The following PRKCZ variants were observed in gnomAD, a reference collection of about 807,000 sequenced individuals.
PRKCZ encodes the protein protein kinase C zeta, also known as protein kinase C zeta type.
Under a neutral mutation model 79.5 loss-of-function variants are expected in PRKCZ, and 33 were observed. That is an observed-to-expected ratio of 0.41 (90% confidence interval 0.31 to 0.55). The LOEUF (loss-of-function observed/expected upper bound fraction) is 0.55. Among genes scored for constraint, PRKCZ ranks in the 20% least tolerant of loss-of-function variants. The probability of loss-of-function intolerance (pLI) is 0.19; values close to 1 mark genes in which losing one functional copy is unlikely to be tolerated. For missense variants in PRKCZ, 578 were observed against 813.5 expected (o/e 0.71, Z 3.52); for synonymous variants, 342 against 320.9 (o/e 1.07, Z -0.70).
intron 4 of PRKCZ, among the ~76,000 whole-genome samples, chr1:2,122,655 G>A (rs1672590776): frequency 8.4e-5 from 1 of 11,922 alleles, no homozygotes; most frequent in Non-Finnish European, 1.3e-4. Flanking sequence ...GGGTTGTGGT[G>A]GTTAGGGTCG....
chr1:2,135,671 G>T (rs376783406), intron 5 of PRKCZ, among the ~76,000 whole-genome samples: 5 of 152,196 alleles, frequency 3.3e-5, no homozygotes, highest in Non-Finnish European at 7.3e-5. Context: ...TGGGGCGGCC[G>T]CATTCCATCC....
Position 2,050,535 on chromosome 1 carries a change from T to C in PRKCZ, c.-96T>C, listed in dbSNP as rs1372481482. 6 of 779,314 alleles carry C rather than the reference T, an allele frequency of 7.7e-6. No individual in the cohort carries two copies. The highest frequency in any genetic ancestry group is 9.2e-5 in the Admixed American group (2 of 21,628). 48.3% of individuals were successfully genotyped at this position (779,314 alleles called of 1,614,324 possible). On this transcript the variant is annotated 5_prime_UTR_variant, in exon 1 of 18. Transcript: ENST00000378567. ...GGCGCCGTCGGTCCTGAGCGCTGCC[T>C]TCCGCGTTCCGCCGCGGCCCCACCT... is the stretch of plus-strand genomic sequence containing the variant.
intron 4 of PRKCZ, among the ~76,000 whole-genome samples, chr1:2,091,005 A>G (rs540367533): frequency 6.6e-6 from 1 of 152,202 alleles, no homozygotes; most frequent in Non-Finnish European, 1.5e-5. Flanking sequence ...TTTAATAAAG[A>G]GGTCAGAGAG....
At chr1:2,138,613 C>T (rs1477912096) in intron 5 of PRKCZ, among the ~76,000 whole-genome samples, 1 of 151,824 alleles carries the variant, frequency 6.6e-6, no homozygotes. Flanking sequence ...GCTCCCATCA[C>T]AGTAAACGGC....
At chr1:2,076,757 AG>A (rs1182617701) in intron 4 of PRKCZ, among the ~76,000 whole-genome samples, 1 of 148,786 alleles carries the variant, frequency 6.7e-6, no homozygotes, top group African/African-American at 2.5e-5. Context: ...AAAAAAAAAA[AG>A]GAAAAGCTTT....
intron 4 of PRKCZ, among the ~76,000 whole-genome samples, chr1:2,099,580 G>T (rs1280900624): frequency 1.3e-5 from 2 of 152,232 alleles, no homozygotes; most frequent in African/African-American, 4.8e-5. Flanking sequence ...TACCCGGAGG[G>T]AGGGGGCAGC....
At chr1:2,154,099 G>T (rs1680450999) in intron 9 of PRKCZ, among the ~76,000 whole-genome samples, 1 of 152,186 alleles carries the variant, frequency 6.6e-6, no homozygotes, top group Non-Finnish European at 1.5e-5. Flanking sequence ...GGGCCACAGT[G>T]GGTGGGTGCT....
intron 4 of PRKCZ, among the ~76,000 whole-genome samples, chr1:2,066,042 G>A (rs990165337): frequency 3.3e-5 from 5 of 151,942 alleles, no homozygotes; most frequent in East Asian, 1.9e-4. Flanking sequence ...ATATGCTGCC[G>A]AATTCATTTT....
At position 2,127,640 on chromosome 1, in the gene PRKCZ, G is replaced by A. The variant is rs1041003891; in HGVS notation, c.335-7622G>A. Reference sequence around the variant, plus strand: ...AAATGCAGTGGGAGCTCTGGTGCAGGTGTAGCCGAGGCTCAGGGGCTCCAC... The same window carrying A: ...AAATGCAGTGGGAGCTCTGGTGCAGATGTAGCCGAGGCTCAGGGGCTCCAC... On this transcript the variant is annotated intron_variant, in intron 4 of 17. Coordinates refer to ENST00000378567, the MANE Select transcript of PRKCZ (RefSeq NM_002744.6). This position sits in a 1 kb window ranked among gnomAD's most constrained non-coding sequence, Gnocchi z 5.1. Among the ~76,000 whole-genome samples the A allele has an allele frequency of 3.3e-5, 5 of 152,244 alleles. No homozygotes were observed. In the South Asian group the frequency reaches 1.0e-3, roughly 31 times the overall value.
rs188284077 is a variant in PRKCZ at position 2,132,053 on chromosome 1, T to C, written c.335-3209T>C. Reference sequence around the variant, plus strand: ...GTCTCGATCTCCTGACCTTGTGATCTGCCCGCCTCGGCCTCCCAAAGTGCT... The same window carrying C: ...GTCTCGATCTCCTGACCTTGTGATCCGCCCGCCTCGGCCTCCCAAAGTGCT... On this transcript the variant is annotated intron_variant, in intron 4 of 17. Transcript: ENST00000378567. 8.9e-3 allele frequency among the ~76,000 whole-genome samples: 1,361 copies of C among 152,290 alleles called. 20 individuals carry two copies. The highest frequency in any genetic ancestry group is 0.03 in the African/African-American group (1,248 of 41,572).
At chr1:2,050,142 C>A (rs375460927), upstream of PRKCZ, 2 of 152,108 alleles carry the variant, frequency 1.3e-5, no homozygotes, top group Admixed American at 1.3e-4. Context: ...GGCGCCGCTC[C>A]GTCCCAGAGG....
intron 16 of PRKCZ, among the ~76,000 whole-genome samples, chr1:2,180,537 C>T (rs569052051): frequency 1.1e-4 from 16 of 151,650 alleles, no homozygotes; most frequent in African/African-American, 2.4e-4. Flanking sequence ...CGTGGACGCA[C>T]GGACGACGTG....
intron 4 of PRKCZ, chr1:2,073,676 C>T (rs372850861): frequency 1.0e-6 from 1 of 992,812 alleles, no homozygotes. Context: ...CTGCTGGCTA[C>T]AGCTTCCCGG....
chr1:2,124,565 G>A (rs571889760), intron 4 of PRKCZ, among the ~76,000 whole-genome samples: 18 of 152,226 alleles, frequency 1.2e-4, no homozygotes, highest in East Asian at 5.8e-4. Flanking sequence ...GAGATACCCC[G>A]CCCTGCAGGT....
At chr1:2,100,935 G>T (rs1029965005) in intron 4 of PRKCZ, among the ~76,000 whole-genome samples, 2 of 151,682 alleles carry the variant, frequency 1.3e-5, no homozygotes, top group African/African-American at 4.9e-5. Context: ...GCTCCTTCAG[G>T]CTGGGGCTCC....
chr1:2,091,239 G>A (rs1251610491), intron 4 of PRKCZ, among the ~76,000 whole-genome samples: 1 of 152,172 alleles, frequency 6.6e-6, no homozygotes, highest in Non-Finnish European at 1.5e-5. Context: ...GTTTTACCAC[G>A]TTGGCCAGGC....
intron 4 of PRKCZ, among the ~76,000 whole-genome samples, chr1:2,087,820 C>T (rs111226121): frequency 5.3e-4 from 80 of 152,266 alleles, no homozygotes; most frequent in African/African-American, 1.8e-3. Flanking sequence ...AAGGAGTCCC[C>T]GGAGGCCCCT....
chr1:2,145,637 G>C (rs1678342026), intron 6 of PRKCZ: 1 of 214,460 alleles, frequency 4.7e-6, no homozygotes, highest in Non-Finnish European at 9.5e-6. Context: ...GAAGTGGCCA[G>C]GTGCAGAGGC....
chr1:2,073,995 G>T, intron 4 of PRKCZ: 1 of 1,416,456 alleles, frequency 7.1e-7, no homozygotes, highest in Admixed American at 2.9e-5. Flanking sequence ...CGTGCTGCAG[G>T]CCCTGTGCGT....
Sources: allele counts gnomAD v4.1 joint callset (sites outside exome capture counted in the v4.1 genomes callset), GRCh38; gene constraint gnomAD v4.1.1; non-coding constraint Gnocchi (gnomAD v3.1); transcripts MANE v1.5; gene names NCBI Gene and HGNC (gene_info 2026-07-23, HGNC 2026-07-21).